Variants in FPR1 observed in about 807,000 individuals in gnomAD.
FPR1 encodes N-formyl peptide receptor 1.
For missense variants in FPR1, 407 were observed against 453.0 expected (o/e 0.90, Z 0.92); for synonymous variants, 193 against 176.7 (o/e 1.09, Z -0.73).
intron 1 of FPR1, among the ~76,000 whole-genome samples, chr19:51,747,556 A>G (rs571778417): frequency 4.6e-5 from 7 of 152,276 alleles, no homozygotes; most frequent in African/African-American, 1.7e-4. Context: ...AATTGCTAAC[A>G]TGCAAGCCCC....
Position 51,746,570 on chromosome 19 carries a change from G to A in FPR1, c.425C>T (p.Ala142Val), listed in dbSNP as rs1260952162. The A allele has an allele frequency of 1.2e-6, 2 of 1,614,042 alleles. No individual in the cohort carries two copies. Among genetic ancestry groups the A allele is most frequent in the Admixed American group, 3.3e-5 (2 of 59,994 alleles). Residue 142 changes from alanine to valine, a missense_variant, in exon 2 of 2, where the codon GCC becomes GTC. Ala to Val is a moderately conservative substitution (Grantham distance 64). Transcript: ENST00000304748. The surrounding 1 kb of genome is among the most constrained non-coding windows in gnomAD (Gnocchi z 4.3). ...CCAGGGCCCAATGATCACCTTCTTG[G>A]CCAGGCTCACGGTGCGGTGGTTCTG... ...WTQNHRTVSL[A>V]KKVIIGPWVM...
In FPR1 at chr19:51,746,702, C is replaced by T; in HGVS notation, c.293G>A (p.Cys98Tyr). 1 of 1,614,164 alleles carries T rather than the reference C, an allele frequency of 6.2e-7. No homozygotes were observed. The highest frequency in any genetic ancestry group is 8.5e-7 in the Non-Finnish European group (1 of 1,180,030). ...GTCCACTATGGTAAAGACGAATTTGCACAGGAACCAGCCGAAAGGCCAATG... is the reference window on the plus strand; with the variant it reads ...GTCCACTATGGTAAAGACGAATTTGTACAGGAACCAGCCGAAAGGCCAATG... ...GGHWPFGWFL[C>Y]KFVFTIVDIN... is the part of the protein sequence containing the mutation. The change falls in exon 2 of 2, where the codon TGC becomes TAC. Residue 98 changes from cysteine to tyrosine, a missense_variant. Physicochemically the swap from Cys to Tyr is radical, Grantham distance 194. Coordinates refer to ENST00000304748, the MANE Select transcript of FPR1 (RefSeq NM_002029.4). This position sits in a 1 kb window ranked among gnomAD's most constrained non-coding sequence, Gnocchi z 4.3.
At chr19:51,749,978 C>A (rs1054697157) in intron 1 of FPR1, among the ~76,000 whole-genome samples, 32 of 152,294 alleles carry the variant, frequency 2.1e-4, no homozygotes, top group African/African-American at 7.7e-4. Context: ...GCCTGGTCTT[C>A]TCTTCTAATG....
chr19:51,745,767 C>T, downstream of FPR1: 1 of 584,020 alleles, frequency 1.7e-6, no homozygotes, highest in South Asian at 2.4e-5. Context: ...AAAAAGAAGT[C>T]AATAATAAAC....
Position 51,746,476 on chromosome 19 carries a change from T to C in FPR1, c.519A>G (p.Thr173=). 1 of 1,614,194 alleles carries C rather than the reference T, an allele frequency of 6.2e-7. No individual in the cohort carries two copies. The highest frequency in any genetic ancestry group is 1.1e-5 in the South Asian group (1 of 91,092). Residue 173 remains threonine, a synonymous_variant, in exon 2 of 2, where the codon ACA becomes ACG. Coordinates refer to ENST00000304748, the MANE Select transcript of FPR1 (RefSeq NM_002029.4). This position sits in a 1 kb window ranked among gnomAD's most constrained non-coding sequence, Gnocchi z 4.3. ...RVTTVPGKTG[T]VACTFNFSPW... is the part of the protein sequence containing the mutation. Reference sequence around the variant, plus strand: ...GCGAAAAGTTAAAAGTGCAGGCTACTGTCCCCGTTTTACCAGGTACTGTAG... The same window carrying C: ...GCGAAAAGTTAAAAGTGCAGGCTACCGTCCCCGTTTTACCAGGTACTGTAG...
intron 1 of FPR1, among the ~76,000 whole-genome samples, chr19:51,747,875 A>G (rs1369518330): frequency 6.6e-6 from 1 of 152,222 alleles, no homozygotes; most frequent in East Asian, 1.9e-4. Flanking sequence ...GTGGTGGTTC[A>G]CGCCTGTCAT....
At chr19:51,751,277 C>T (rs974321509) in intron 1 of FPR1, among the ~76,000 whole-genome samples, 3 of 152,166 alleles carry the variant, frequency 2.0e-5, no homozygotes, top group African/African-American at 7.2e-5. Context: ...TCAAGAACTT[C>T]CCTCCTTCAC....
chr19:51,746,674 G>T lies in FPR1; in HGVS notation c.321C>A (p.Ile107=). The change falls in exon 2 of 2, where the codon ATC becomes ATA. Residue 107 remains isoleucine (I), a synonymous_variant. Coordinates refer to ENST00000304748, the MANE Select transcript of FPR1 (RefSeq NM_002029.4). The surrounding 1 kb of genome is among the most constrained non-coding windows in gnomAD (Gnocchi z 4.3). ...TCAGGAAGACACTTCCGAACAAGTT[G>T]ATGTCCACTATGGTAAAGACGAATT... is the stretch of plus-strand genomic sequence containing the variant. ...LCKFVFTIVD[I]NLFGSVFLIA... The T allele has an allele frequency of 6.2e-7, 1 of 1,614,196 alleles. No individual in the cohort carries two copies. The highest frequency in any genetic ancestry group is 8.5e-7 in the Non-Finnish European group (1 of 1,180,030).
intron 1 of FPR1, among the ~76,000 whole-genome samples, chr19:51,747,700 A>G (rs2083757261): frequency 6.6e-6 from 1 of 152,238 alleles, no homozygotes; most frequent in African/African-American, 2.4e-5. Context: ...TATAGCCAAA[A>G]GGTAGAAACA....
In FPR1 at chr19:51,746,930, T is replaced by C. The variant is rs2083751710; in HGVS notation, c.65A>G (p.Tyr22Cys). The C allele has an allele frequency of 4.3e-6, 7 of 1,614,108 alleles. No individual in the cohort carries two copies. The highest frequency in any genetic ancestry group is 5.9e-6 in the Non-Finnish European group (7 of 1,180,016). The change falls in exon 2 of 2, where the codon TAT becomes TGT. Residue 22 changes from tyrosine to cysteine, a missense_variant. Transcript: ENST00000304748. The surrounding 1 kb of genome is among the most constrained non-coding windows in gnomAD (Gnocchi z 4.3). ...ATAAGTGATGATATCCAGGAAGAGATAGCCAGCAGATACAGCAGGTGTCCC... is the reference window on the plus strand; with the variant it reads ...ATAAGTGATGATATCCAGGAAGAGACAGCCAGCAGATACAGCAGGTGTCCC... ...SGGTPAVSAG[Y>C]LFLDIITYLV...
intron 1 of FPR1, among the ~76,000 whole-genome samples, chr19:51,751,282 C>A (rs2083779248): frequency 6.6e-6 from 1 of 152,150 alleles, no homozygotes; most frequent in South Asian, 2.1e-4. Context: ...AACTTCCCTC[C>A]TTCACTTATC....
In FPR1 at chr19:51,746,427, T is replaced by A. The variant is rs5030880; in HGVS notation, c.568A>T (p.Arg190Trp). The change falls in exon 2 of 2, where the codon AGG (arginine) becomes TGG (tryptophan). Residue 190 changes from arginine to tryptophan, a missense_variant. Coordinates refer to ENST00000304748, the MANE Select transcript of FPR1 (RefSeq NM_002029.4). This position sits in a 1 kb window ranked among gnomAD's most constrained non-coding sequence, Gnocchi z 4.3. ...FSPWTNDPKE[R>W]INVAVAMLTV... Reference sequence around the variant, plus strand: ...AACATGGCAACGGCCACATTTATCCTCTCTTTAGGGTCGTTGGTCCAGGGC... The same window carrying A: ...AACATGGCAACGGCCACATTTATCCACTCTTTAGGGTCGTTGGTCCAGGGC... 208,395 of 1,613,846 alleles carry A rather than the reference T, an allele frequency of 0.13. 14,182 individuals carry two copies. The highest frequency in any genetic ancestry group is 0.18 in the South Asian group (16,750 of 91,064).
At chr19:51,745,518 T>C (rs1047283287), downstream of FPR1, 4 of 179,426 alleles carry the variant, frequency 2.2e-5, no homozygotes, top group African/African-American at 9.5e-5. Flanking sequence ...CACTTCTCCC[T>C]CCTCCTTCAT....
Position 51,746,538 on chromosome 19 carries a change from C to A in FPR1, c.457G>T (p.Ala153Ser). The A allele has an allele frequency of 6.2e-7, 1 of 1,614,194 alleles. No individual in the cohort carries two copies. The highest frequency in any genetic ancestry group is 1.6e-4 in the Middle Eastern group (1 of 6,062). ...KKVIIGPWVM[A>S]LLLTLPVIIR... ...ATAACTGGCAATGTGAGGAGCAGAG[C>A]CATCACCCAGGGCCCAATGATCACC... The change falls in exon 2 of 2, where the codon GCT becomes TCT. Residue 153 changes from alanine (A) to serine (S), a missense_variant. Coordinates refer to ENST00000304748, the MANE Select transcript of FPR1 (RefSeq NM_002029.4). The surrounding 1 kb of genome is among the most constrained non-coding windows in gnomAD (Gnocchi z 4.3).
chr19:51,749,040 C>T (rs972307012), intron 1 of FPR1, among the ~76,000 whole-genome samples: 1 of 152,020 alleles, frequency 6.6e-6, no homozygotes, highest in Admixed American at 6.5e-5. Flanking sequence ...CATGGAGAAG[C>T]CCCATCTCTA....
intron 1 of FPR1, among the ~76,000 whole-genome samples, chr19:51,747,221 C>CTTTT (rs55849683): frequency 7.4e-4 from 105 of 141,540 alleles, no homozygotes; most frequent in East Asian, 3.1e-3. Flanking sequence ...AAGATTACAT[C>CTTTT]TTTTTTTTTT....
At position 51,746,220 on chromosome 19, in the gene FPR1, C is replaced by T. The variant is rs1460978960; in HGVS notation, c.775G>A (p.Val259Met). 5.0e-6 allele frequency: 8 copies of T among 1,614,010 alleles called. No individual in the cohort carries two copies. Among genetic ancestry groups the T allele is most frequent in the African/African-American group, 2.7e-5 (2 of 74,902 alleles). Residue 259 changes from valine (V) to methionine (M), a missense_variant, in exon 2 of 2, where the codon GTG becomes ATG. Physicochemically the swap from Val to Met is conservative, Grantham distance 21 (BLOSUM62 1). Coordinates refer to ENST00000304748, the MANE Select transcript of FPR1 (RefSeq NM_002029.4). This position sits in a 1 kb window ranked among gnomAD's most constrained non-coding sequence, Gnocchi z 4.3. ...CTGACTGTGGCTATAAGGGCCACCA[C>T]CTGATATGGGGACCAGCAGAGAAAA... Reference protein sequence around the residue: ...AFFLCWSPYQVVALIATVRIR... With the variant: ...AFFLCWSPYQMVALIATVRIR...
rs376186494 is a variant in FPR1, at chr19:51,749,247, T to C, written c.-11-2242A>G. ...AAAAAAAGATATGCAACTTCTCCAC[T>C]CCAAATTCTGCTCGCTCTCTCTCTT... On this transcript the variant is annotated intron_variant, in intron 1 of 1. Transcript: ENST00000304748. Among the ~76,000 whole-genome samples the C allele has an allele frequency of 1.1e-3, 160 of 151,940 alleles. 3 individuals are homozygous for C. In the South Asian group the frequency reaches 0.016, roughly 15 times the overall value.
In FPR1 at chr19:51,746,041, G is replaced by A. The variant is rs766700447; in HGVS notation, c.954C>T (p.Ala318=). The A allele has an allele frequency of 1.2e-6, 2 of 1,614,036 alleles. No individual in the cohort carries two copies. Among genetic ancestry groups the A allele is most frequent in the Non-Finnish European group, 1.7e-6 (2 of 1,180,020 alleles). ...CCTCGGTCAGGGCCCTCTCCAGACT[G>A]GCGGGAAGGGCGTGGATCAGCCTCT... is the stretch of plus-strand genomic sequence containing the variant. ...FRERLIHALP[A]SLERALTEDS... is the part of the protein sequence containing the mutation. The change falls in exon 2 of 2, where the codon GCC becomes GCT. Residue 318 remains alanine (A), a synonymous_variant. Coordinates refer to ENST00000304748, the MANE Select transcript of FPR1 (RefSeq NM_002029.4). The surrounding 1 kb of genome is among the most constrained non-coding windows in gnomAD (Gnocchi z 4.3).
Sources: gnomAD v4.1 joint callset for allele counts (sites outside exome capture counted in the v4.1 genomes callset) on GRCh38, gnomAD v4.1.1 for gene constraint, Gnocchi (gnomAD v3.1) non-coding constraint, MANE v1.5 for transcripts, NCBI Gene and HGNC (gene_info 2026-07-23, HGNC 2026-07-21) for gene names.